Variants in MMS19 observed in about 807,000 individuals in gnomAD.
The protein encoded by MMS19 is MMS19 nucleotide excision repair protein homolog.
A neutral mutation model predicts 129.8 loss-of-function variants in MMS19; 77 were observed. The observed-to-expected ratio is 0.59, with a 90% CI of 0.49 to 0.72. MMS19 has a LOEUF of 0.72. MMS19 is among the 30% of genes least tolerant of loss of function. The pLI is 0.00. For synonymous variants in MMS19, 491 were observed against 502.8 expected, an observed-to-expected ratio of 0.98 and a Z score of 0.31; for missense variants, 1,168 against 1,266.3, an observed-to-expected ratio of 0.92 and a Z score of 1.18.
intron 12 of MMS19, among the ~76,000 whole-genome samples, chr10:97,468,670 G>A (rs1196760790): frequency 6.6e-6 from 1 of 152,068 alleles, no homozygotes; most frequent in Non-Finnish European, 1.5e-5. Context: ...CTGGAGTGCA[G>A]TGGCGCAATC....
intron 19 of MMS19, among the ~76,000 whole-genome samples, chr10:97,463,632 G>A (rs1589586841): frequency 1.3e-5 from 2 of 152,346 alleles, no homozygotes; most frequent in East Asian, 3.9e-4. Context: ...TGGGGAAAAG[G>A]TGTGCATTCT....
intron 8 of MMS19, among the ~76,000 whole-genome samples, chr10:97,476,050 T>C (rs1345051483): frequency 6.6e-6 from 1 of 152,206 alleles, no homozygotes; most frequent in Non-Finnish European, 1.5e-5. Flanking sequence ...TTTATTTCTT[T>C]CAAACCACTA....
chr10:97,465,661 T>C (rs1218792389), intron 18 of MMS19, 144 bp downstream of exon 18: 4 of 787,292 alleles, frequency 5.1e-6, no homozygotes, highest in Admixed American at 5.7e-5. Flanking sequence ...ACTGATTCAG[T>C]TGGACGCAGG....
upstream of MMS19, chr10:97,498,584 T>G: frequency 1.7e-6 from 1 of 605,020 alleles, no homozygotes; most frequent in Admixed American, 3.5e-5. Context: ...GGAAGGCGGC[T>G]GCTGGGCACG....
intron 8 of MMS19, among the ~76,000 whole-genome samples, chr10:97,474,210 C>T (rs1336748096): frequency 6.6e-6 from 1 of 150,772 alleles, no homozygotes; most frequent in African/African-American, 2.4e-5. Context: ...AGTGAAGAAA[C>T]TGAACCTTAA....
chr10:97,498,739 C>A, upstream of MMS19: 1 of 307,588 alleles, frequency 3.3e-6, no homozygotes, highest in Non-Finnish European at 6.1e-6. Flanking sequence ...CCCTAGGGGG[C>A]GGTGCTGTCG....
At chr10:97,476,567 A>C (rs2035817983) in intron 8 of MMS19, 116 bp downstream of exon 8, 1 of 790,938 alleles carries the variant, frequency 1.3e-6, no homozygotes, top group East Asian at 2.7e-5. Context: ...AAAATATAAA[A>C]TAATGAGGGC....
chr10:97,461,728 G>A (rs968609538), intron 22 of MMS19, 100 bp downstream of exon 22: 1 of 1,536,068 alleles, frequency 6.5e-7, no homozygotes, highest in Non-Finnish European at 8.8e-7. Flanking sequence ...TAACTTCTCT[G>A]GTGGGGGAAG....
intron 27 of MMS19, 31 bp from the exon 28 acceptor site, chr10:97,459,557 C>A: frequency 1.2e-6 from 2 of 1,607,002 alleles, no homozygotes; most frequent in Non-Finnish European, 8.5e-7. Context: ...TAGGGGATGG[C>A]CACATCATGA....
At chr10:97,490,204 G>C (rs1173244190) in intron 1 of MMS19, among the ~76,000 whole-genome samples, 1 of 151,832 alleles carries the variant, frequency 6.6e-6, no homozygotes, top group Non-Finnish European at 1.5e-5. Flanking sequence ...TCAGCCTCCC[G>C]AGTAGCTGGG....
intron 8 of MMS19, among the ~76,000 whole-genome samples, chr10:97,475,502 C>T (rs528445313): frequency 3.9e-4 from 60 of 152,246 alleles, no homozygotes; most frequent in African/African-American, 1.4e-3. Context: ...TTTGGGAGGC[C>T]GAGGCAGTTG....
chr10:97,496,031 T>A (rs935192859), intron 1 of MMS19, among the ~76,000 whole-genome samples: 3 of 152,136 alleles, frequency 2.0e-5, no homozygotes, highest in African/African-American at 7.2e-5. Flanking sequence ...TCCGCCTACC[T>A]TGTTCTCTCA....
intron 1 of MMS19, among the ~76,000 whole-genome samples, chr10:97,492,209 G>A (rs1001861637): frequency 6.0e-5 from 9 of 150,518 alleles, no homozygotes; most frequent in African/African-American, 2.2e-4. Flanking sequence ...GGTGGTTCAC[G>A]CCTGTAATCC....
At chr10:97,498,710 A>G (rs1007460160), upstream of MMS19, 7 of 363,810 alleles carry the variant, frequency 1.9e-5, no homozygotes, top group African/African-American at 1.5e-4. Context: ...GGGGAAGCCA[A>G]TGAGAAAATC....
At chr10:97,462,710 T>C (rs775013187) in intron 19 of MMS19, 28 bp from the exon 20 acceptor site, 2 of 1,533,334 alleles carry the variant, frequency 1.3e-6, no homozygotes, top group South Asian at 2.2e-5. Context: ...ATGCACACAA[T>C]CACAAGACCA....
intron 1 of MMS19, 33 bp from the exon 2 acceptor site, chr10:97,484,184 T>TA (rs754735181): frequency 8.6e-3 from 10,586 of 1,227,394 alleles, no homozygotes; most frequent in South Asian, 0.012. Flanking sequence ...ATATGAAAAA[T>TA]AAAAAAAAAA....
intron 1 of MMS19, among the ~76,000 whole-genome samples, chr10:97,492,045 G>A (rs2038982535): frequency 6.6e-6 from 1 of 150,408 alleles, no homozygotes; most frequent in South Asian, 2.1e-4. Flanking sequence ...GGCTGAGGCA[G>A]GAGAATCACC....
At chr10:97,496,877 T>C (rs1177413455) in intron 1 of MMS19, among the ~76,000 whole-genome samples, 1 of 152,182 alleles carries the variant, frequency 6.6e-6, no homozygotes, top group Non-Finnish European at 1.5e-5. Context: ...TTTAAATGGA[T>C]GGATAGCTAT....
chr10:97,497,521 A>AG (rs1213415377), intron 1 of MMS19, among the ~76,000 whole-genome samples: 4 of 141,972 alleles, frequency 2.8e-5, no homozygotes, highest in South Asian at 4.5e-4. Flanking sequence ...ACTTTTTAGT[A>AG]GTTTTTTTTT....
Sources: gnomAD v4.1 joint callset for allele counts (sites outside exome capture counted in the v4.1 genomes callset) on GRCh38, gnomAD v4.1.1 for gene constraint, MANE v1.5 for transcripts, NCBI Gene and HGNC (gene_info 2026-07-23, HGNC 2026-07-21) for gene names.